Variants in RBSN observed in about 807,000 individuals in gnomAD.
RBSN encodes the protein rabenosyn-5.
Under a neutral mutation model 60.5 loss-of-function variants are expected in RBSN, and 34 were observed. That is an observed-to-expected ratio of 0.56 (90% CI 0.43 to 0.75). The LOEUF is 0.75. Ranked by LOEUF, RBSN falls within the 30% of genes least tolerant of loss-of-function variation. The pLI is 0.00. For missense variants in RBSN, 845 were observed against 986.8 expected (o/e 0.86, Z 1.92); for synonymous variants, 322 against 366.9 (o/e 0.88, Z 1.40).
chr3:15,084,988 T>C lies in RBSN; in HGVS notation c.436+12A>G, dbSNP rs1181396048. On this transcript the variant is annotated intron_variant, in intron 7 of 13. Transcript: ENST00000253699. This position sits in a 1 kb window ranked among gnomAD's most constrained non-coding sequence, Gnocchi z 4.2. ...GATAATAAGATGAATGTGAGCAAAG[T>C]TTTAAAGTTACCTCGAATCTTTGCA... 6.2e-7 allele frequency: 1 copy of C among 1,614,054 alleles called. No homozygotes were observed. Among genetic ancestry groups the C allele is most frequent in the Non-Finnish European group, 8.5e-7 (1 of 1,180,042 alleles).
intron 5 of RBSN, among the ~76,000 whole-genome samples, chr3:15,090,112 C>A (rs1272824460): frequency 4.6e-5 from 7 of 152,102 alleles, no homozygotes; most frequent in Admixed American, 1.3e-4. Flanking sequence ...TGGATTCATA[C>A]CCTACTTCTG....
Position 15,077,188 on chromosome 3 carries a change from T to C in RBSN, c.999-24A>G. On this transcript the variant is annotated intron_variant, in intron 11 of 13. Transcript: ENST00000253699. The surrounding 1 kb of genome is among the most constrained non-coding windows in gnomAD (Gnocchi z 4.4). ...TACTGAATTGGAACAAACACATGAA[T>C]ATAATGAGCACTGCCAGCTTCAGAA... is the stretch of plus-strand genomic sequence containing the variant. 4 of 1,589,816 alleles carry C rather than the reference T, an allele frequency of 2.5e-6. No homozygotes were observed. Among genetic ancestry groups the C allele is most frequent in the African/African-American group, 1.3e-5 (1 of 74,494 alleles).
intron 4 of RBSN, chr3:15,091,327 C>A: frequency 1.9e-6 from 2 of 1,035,194 alleles, no homozygotes; most frequent in Non-Finnish European, 2.3e-6. Context: ...TGAGTAAATT[C>A]TTCTCATTTA....
Position 15,084,757 on chromosome 3 carries a change from C to T in RBSN, c.576G>A (p.Glu192=). The stretch of plus-strand genomic sequence containing the variant: ...TACTTGCCAAGGGAAGGCTGATGAG[C>T]TCCATACACTTCTTGCACATAATAG... ...CGSIMCKKCM[E]LISLPLANKL... Residue 192 remains glutamate (E), a synonymous_variant, in exon 8 of 14, where the codon GAG becomes GAA. Coordinates refer to ENST00000253699, the MANE Select transcript of RBSN (RefSeq NM_022340.4). This position sits in a 1 kb window ranked among gnomAD's most constrained non-coding sequence, Gnocchi z 4.2. 1 of 1,609,856 alleles carries T rather than the reference C, an allele frequency of 6.2e-7. No individual in the cohort carries two copies. The highest frequency in any genetic ancestry group is 8.5e-7 in the Non-Finnish European group (1 of 1,178,462).
At position 15,078,766 on chromosome 3, in the gene RBSN, A is replaced by AG. The variant is rs1417190796; in HGVS notation, c.912-606_912-605insC. Reference sequence around the variant, plus strand: ...CAGAGCAAAACTCGGTCTCAAAAAAAAAAAAAAAAATACATATATATATAT... The same window carrying AG: ...CAGAGCAAAACTCGGTCTCAAAAAAAGAAAAAAAAAATACATATATATATAT... On this transcript the variant is annotated intron_variant, in intron 10 of 13. Transcript: ENST00000253699. Among the ~76,000 whole-genome samples, 845 of 114,062 alleles carry AG rather than the reference A, an allele frequency of 7.4e-3. 16 individuals are homozygous for AG. The highest frequency in any genetic ancestry group is 0.027 in the African/African-American group (797 of 29,450). The allele number at this position is 114,062 out of a possible 152,430, so 74.8% of individuals were successfully genotyped here.
rs1209706652 is a variant in RBSN, at chr3:15,084,866, T to C, written c.467A>G (p.Asn156Ser). The C allele has an allele frequency of 4.3e-6, 7 of 1,614,030 alleles. No individual in the cohort carries two copies. The highest frequency in any genetic ancestry group is 5.9e-6 in the Non-Finnish European group (7 of 1,179,960). The change falls in exon 8 of 14, where the codon AAC (asparagine) becomes AGC (serine). Residue 156 changes from asparagine (N) to serine (S), a missense_variant. Coordinates refer to ENST00000253699, the MANE Select transcript of RBSN (RefSeq NM_022340.4). This position sits in a 1 kb window ranked among gnomAD's most constrained non-coding sequence, Gnocchi z 4.2. ...TGGACAGAAAGGGACATCCTGGTCG[T>C]TGACCCAAGGCACCACAGACTTTTC... ...AIEKSVVPWV[N>S]DQDVPFCPDC...
rs1171863715 is a variant in RBSN, at chr3:15,084,394, A to C, written c.598+341T>G. On this transcript the variant is annotated intron_variant, in intron 8 of 13. Transcript: ENST00000253699. The surrounding 1 kb of genome is among the most constrained non-coding windows in gnomAD (Gnocchi z 4.2). Reference sequence around the variant, plus strand: ...TGGCCTCTCAAAGTGCTGTGATTACAGGCATGAGCCACTGTGCCCAGTCTA... The same window carrying C: ...TGGCCTCTCAAAGTGCTGTGATTACCGGCATGAGCCACTGTGCCCAGTCTA... 6.6e-6 allele frequency among the ~76,000 whole-genome samples: 1 copy of C among 152,236 alleles called. No homozygotes were observed. The highest frequency in any genetic ancestry group is 1.5e-5 in the Non-Finnish European group (1 of 68,050).
chr3:15,074,173 G>A lies in RBSN; in HGVS notation c.1964C>T (p.Ala655Val). 1 of 1,613,408 alleles carries A rather than the reference G, an allele frequency of 6.2e-7. No individual in the cohort carries two copies. Among genetic ancestry groups the A allele is most frequent in the Non-Finnish European group, 8.5e-7 (1 of 1,179,586 alleles). The change falls in exon 14 of 14, where the codon GCC becomes GTC. Residue 655 changes from alanine (A) to valine (V), a missense_variant. Transcript: ENST00000253699. This position sits in a 1 kb window ranked among gnomAD's most constrained non-coding sequence, Gnocchi z 6.4. ...PAAGVSLDPS[A>V]RILKEYNPFE... ...AGGATTGTACTCTTTCAGGATGCGG[G>A]CTGAAGGGTCTAAGGAAACCCCTGC...
chr3:15,078,778 ACATAT>A (rs2043123814), intron 10 of RBSN, among the ~76,000 whole-genome samples: 12 of 35,796 alleles, frequency 3.4e-4, no homozygotes, highest in African/African-American at 6.0e-4. Flanking sequence ...AAAAAAAAAT[ACATAT>A]ATATATATAT....
chr3:15,088,265 T>C (rs1484561802), intron 5 of RBSN, among the ~76,000 whole-genome samples: 1 of 152,214 alleles, frequency 6.6e-6, no homozygotes, highest in Non-Finnish European at 1.5e-5. Context: ...ACCCCAGTAA[T>C]CTCACATGGG....
At position 15,074,881 on chromosome 3, in the gene RBSN, G is replaced by C; in HGVS notation, c.1256C>G (p.Ala419Gly). The change falls in exon 14 of 14, where the codon GCT becomes GGT. Residue 419 changes from alanine (A) to glycine (G), a missense_variant. Physicochemically the swap from Ala to Gly is moderately conservative, Grantham distance 60 (BLOSUM62 0). Transcript: ENST00000253699. The surrounding 1 kb of genome is among the most constrained non-coding windows in gnomAD (Gnocchi z 6.4). ...CACCTCCCCGTTGGCCGCTCGAGAA[G>C]CCAGGCCACTCTGCCTTTCCTCAAG... is the stretch of plus-strand genomic sequence containing the variant. ...RRLEERQSGLASRAANGEVAS... is the reference protein window; with the variant it reads ...RRLEERQSGLGSRAANGEVAS... 1.9e-6 allele frequency: 3 copies of C among 1,613,898 alleles called. No individual in the cohort carries two copies. Among genetic ancestry groups the C allele is most frequent in the Non-Finnish European group, 2.5e-6 (3 of 1,179,958 alleles).
chr3:15,074,952 G>C lies in RBSN; in HGVS notation c.1207-22C>G, dbSNP rs780364345. ...CAGCCTGGGGAGAGAGCAAAGCAGA[G>C]AGAAGAAACAGTCACTATGCTGGCA... On this transcript the variant is annotated intron_variant, in intron 13 of 13. Coordinates refer to ENST00000253699, the MANE Select transcript of RBSN (RefSeq NM_022340.4). This position sits in a 1 kb window ranked among gnomAD's most constrained non-coding sequence, Gnocchi z 6.4. 4.4e-6 allele frequency: 7 copies of C among 1,584,870 alleles called. No homozygotes were observed. Among genetic ancestry groups the C allele is most frequent in the African/African-American group, 1.3e-5 (1 of 74,536 alleles).
In RBSN at chr3:15,077,236, C is replaced by A. The variant is rs747256391; in HGVS notation, c.999-72G>T. On this transcript the variant is annotated intron_variant, in intron 11 of 13. Coordinates refer to ENST00000253699, the MANE Select transcript of RBSN (RefSeq NM_022340.4). The surrounding 1 kb of genome is among the most constrained non-coding windows in gnomAD (Gnocchi z 4.4). ...GAAACAAGGGTGAAAAGTATAACAT[C>A]TGGAGTTGCCAGGCTTTCATGCCAG... 1.6e-5 allele frequency: 21 copies of A among 1,313,962 alleles called. No homozygotes were observed. Among genetic ancestry groups the A allele is most frequent in the Non-Finnish European group, 2.3e-5 (21 of 910,294 alleles). 81.4% of individuals were successfully genotyped at this position (1,313,962 alleles called of 1,614,324 possible).
At chr3:15,091,398 C>G in intron 4 of RBSN, 2 of 1,227,392 alleles carry the variant, frequency 1.6e-6, no homozygotes, top group Non-Finnish European at 2.1e-6. Context: ...ATAGGCTTAA[C>G]TGGACACAGA....
Position 15,084,285 on chromosome 3 carries a change from A to G in RBSN, c.598+450T>C, listed in dbSNP as rs1227743887. 6.6e-6 allele frequency among the ~76,000 whole-genome samples: 1 copy of G among 151,976 alleles called. No homozygotes were observed. Among genetic ancestry groups the G allele is most frequent in the Non-Finnish European group, 1.5e-5 (1 of 67,988 alleles). ...AGGCACATGCCACCACGCCAGGCTA[A>G]TTTTTGTATTTTTATAGAGACAGGG... is the stretch of plus-strand genomic sequence containing the variant. On this transcript the variant is annotated intron_variant, in intron 8 of 13. Transcript: ENST00000253699. This position sits in a 1 kb window ranked among gnomAD's most constrained non-coding sequence, Gnocchi z 4.2.
At chr3:15,095,869 T>C (rs761455771) in intron 4 of RBSN, 104 bp downstream of exon 4, 12 of 1,471,536 alleles carry the variant, frequency 8.2e-6, no homozygotes, top group Non-Finnish European at 1.1e-5. Context: ...TGTTTGCTAC[T>C]ACTATTATCA....
Position 15,073,210 on chromosome 3 carries a change from C to A in RBSN, c.*572G>T, listed in dbSNP as rs1164344056. The A allele has an allele frequency of 6.5e-6, 1 of 152,924 alleles. No homozygotes were observed. Among genetic ancestry groups the A allele is most frequent in the Non-Finnish European group, 1.5e-5 (1 of 68,280 alleles). 9.5% of individuals were successfully genotyped at this position (152,924 alleles called of 1,614,324 possible). A position where few individuals can be genotyped will look rare whatever the true frequency, so the allele number is the denominator to read the frequency against. ...TCTCCCCTTCATAGCAGCACCTCCC[C>A]CTTCTATTGTACAGACAGGAAGTGC... On this transcript the variant is annotated 3_prime_UTR_variant, in exon 14 of 14. Transcript: ENST00000253699.
At chr3:15,075,815 G>T in intron 12 of RBSN, 105 bp from the exon 13 acceptor site, 2 of 870,410 alleles carry the variant, frequency 2.3e-6, no homozygotes, top group South Asian at 3.0e-5. Flanking sequence ...TCTGTTCTCA[G>T]AGAGTGACAT....
intron 1 of RBSN, among the ~76,000 whole-genome samples, 162 bp from the exon 2 acceptor site, chr3:15,098,436 C>T (rs1268200997): frequency 7.0e-6 from 1 of 142,054 alleles, no homozygotes; most frequent in African/African-American, 2.6e-5. Context: ...GCCCCTCGCA[C>T]TCTAAATCAC....
Sources: gnomAD v4.1 joint callset for allele counts (sites outside exome capture counted in the v4.1 genomes callset) on GRCh38, gnomAD v4.1.1 for gene constraint, Gnocchi (gnomAD v3.1) non-coding constraint, MANE v1.5 for transcripts, NCBI Gene and HGNC (gene_info 2026-07-23, HGNC 2026-07-21) for gene names.